Variants in RFX1 observed in about 807,000 individuals in gnomAD.
RFX1 encodes the protein regulatory factor X1, also known as MHC class II regulatory factor RFX1.
Under a neutral mutation model 119.6 loss-of-function variants are expected in RFX1, and 42 were observed. The observed-to-expected ratio is 0.35, with a 90% confidence interval of 0.27 to 0.45. The LOEUF is 0.45. Ranked by LOEUF, RFX1 falls within the 20% of genes least tolerant of loss-of-function variation. The probability of loss-of-function intolerance (pLI) is 1.00; values close to 1 mark genes in which losing one functional copy is unlikely to be tolerated. For synonymous variants in RFX1, 628 were observed against 618.5 expected, an observed-to-expected ratio of 1.02 and a Z score of -0.23; for missense variants, 1,118 against 1,368.1, an observed-to-expected ratio of 0.82 and a Z score of 2.88.
intron 3 of RFX1, 103 bp downstream of exon 3, chr19:13,983,383 G>A (rs374807008): frequency 1.3e-5 from 16 of 1,236,372 alleles, no homozygotes; most frequent in Admixed American, 1.0e-4. Context: ...TGAGCAGATG[G>A]CTCCAGCAGG....
Position 13,980,684 on chromosome 19 carries a change from C to T in RFX1, c.627G>A (p.Ser209=), listed in dbSNP as rs1474497358. The change falls in exon 6 of 21, where the codon TCG becomes TCA. Residue 209 remains serine (S), a synonymous_variant. Transcript: ENST00000254325. The surrounding 1 kb of genome is among the most constrained non-coding windows in gnomAD (Gnocchi z 5.1). ...TQQVHSPPEQ[S]PVQANSSSSK... is the part of the protein sequence containing the mutation. ...TGGAAGAGCTGTTGGCCTGCACCGG[C>T]GACTGCTGTAAGGGAAGGAGACACA... 5.6e-6 allele frequency: 9 copies of T among 1,594,040 alleles called. No homozygotes were observed. Among genetic ancestry groups the T allele is most frequent in the East Asian group, 2.2e-5 (1 of 44,624 alleles).
chr19:13,963,501 C>CT (rs1449862855), intron 18 of RFX1, 37 bp downstream of exon 18: 1 of 1,553,292 alleles, frequency 6.4e-7, no homozygotes, highest in South Asian at 1.2e-5. Context: ...GGGGCCTTCC[C>CT]TGGTGCCGCC....
intron 1 of RFX1, among the ~76,000 whole-genome samples, chr19:13,994,893 CATATATATATATATATAT>C (rs566150731): frequency 0.011 from 666 of 59,314 alleles, 27 homozygotes; most frequent in African/African-American, 0.03. Flanking sequence ...AATATACATA[CATATATATATATATATAT>C]ATATATATAT....
chr19:13,978,723 C>G (rs944464804), intron 7 of RFX1, among the ~76,000 whole-genome samples: 6 of 152,056 alleles, frequency 3.9e-5, no homozygotes, highest in African/African-American at 1.2e-4. Flanking sequence ...CCGCCCGCTG[C>G]CCCCCGCCCG....
chr19:14,004,984 G>A (rs1292193259), intron 1 of RFX1, among the ~76,000 whole-genome samples: 1 of 152,204 alleles, frequency 6.6e-6, no homozygotes, highest in African/African-American at 2.4e-5. Flanking sequence ...CCTTGTCAGT[G>A]ACATGTGACT....
rs1267401636 is a variant in RFX1, at chr19:13,965,007, A to G, written c.2211+442T>C. Among the ~76,000 whole-genome samples the G allele has an allele frequency of 1.3e-5, 2 of 152,002 alleles. No individual in the cohort carries two copies. Among genetic ancestry groups the G allele is most frequent in the African/African-American group, 4.8e-5 (2 of 41,378 alleles). On this transcript the variant is annotated intron_variant, in intron 16 of 20. Transcript: ENST00000254325. This position sits in a 1 kb window ranked among gnomAD's most constrained non-coding sequence, Gnocchi z 4.7. ...TTTTTTTGTTTGTTTGTTTTTCCCAACCACATCCCATCAAATTCCTCACAT... is the reference window on the plus strand; with the variant it reads ...TTTTTTTGTTTGTTTGTTTTTCCCAGCCACATCCCATCAAATTCCTCACAT...
In RFX1 at chr19:13,968,444, C is replaced by T. The variant is rs1489569212; in HGVS notation, c.1732+121G>A. 1.2e-5 allele frequency: 9 copies of T among 758,396 alleles called. No homozygotes were observed. The highest frequency in any genetic ancestry group is 2.6e-4 in the Middle Eastern group (1 of 3,858). 47.0% of individuals were successfully genotyped at this position (758,396 alleles called of 1,614,324 possible). A position where few individuals can be genotyped will look rare whatever the true frequency, so the allele number is the denominator to read the frequency against. ...GTCTCCCCCACCCCCTGCTGGTTCTCGGGCATCTCTCACCAAGCCCTCCCC... is the reference window on the plus strand; with the variant it reads ...GTCTCCCCCACCCCCTGCTGGTTCTTGGGCATCTCTCACCAAGCCCTCCCC... On this transcript the variant is annotated intron_variant, in intron 12 of 20. Coordinates refer to ENST00000254325, the MANE Select transcript of RFX1 (RefSeq NM_002918.5). The surrounding 1 kb of genome is among the most constrained non-coding windows in gnomAD (Gnocchi z 5.5).
intron 3 of RFX1, 64 bp from the exon 4 acceptor site, chr19:13,983,334 G>A (rs1470619417): frequency 7.2e-7 from 1 of 1,391,300 alleles, no homozygotes; most frequent in Non-Finnish European, 9.8e-7. Context: ...GCGTGGTTGG[G>A]TGGCGGGCGG....
rs1974000741 is a variant in RFX1, at chr19:13,969,278, A to C, written c.1497-384T>G. Among the ~76,000 whole-genome samples the C allele has an allele frequency of 6.6e-6, 1 of 152,156 alleles. No homozygotes were observed. Among genetic ancestry groups the C allele is most frequent in the Admixed American group, 6.5e-5 (1 of 15,274 alleles). ...TTTACTGACTCACAGACCCTGATGA[A>C]GCACTGACTAGGTACAACCCCGCGT... is the stretch of plus-strand genomic sequence containing the variant. On this transcript the variant is annotated intron_variant, in intron 10 of 20. Coordinates refer to ENST00000254325, the MANE Select transcript of RFX1 (RefSeq NM_002918.5). This position sits in a 1 kb window ranked among gnomAD's most constrained non-coding sequence, Gnocchi z 4.5.
intron 8 of RFX1, among the ~76,000 whole-genome samples, chr19:13,973,969 G>A (rs571685809): frequency 1.3e-5 from 2 of 151,328 alleles, no homozygotes; most frequent in African/African-American, 2.4e-5. Flanking sequence ...AAAAAATACC[G>A]AAGGGTTAGG....
chr19:13,974,447 G>A (rs137960077), intron 8 of RFX1, among the ~76,000 whole-genome samples: 55 of 152,180 alleles, frequency 3.6e-4, no homozygotes, highest in African/African-American at 1.2e-3. Context: ...CAACCTCAAG[G>A]GGCTGTTAAA....
chr19:13,965,583 G>C lies in RFX1; in HGVS notation c.2114-37C>G, dbSNP rs747868704. The C allele has an allele frequency of 6.2e-7, 1 of 1,612,484 alleles. No individual in the cohort carries two copies. The highest frequency in any genetic ancestry group is 1.7e-5 in the Admixed American group (1 of 59,968). ...GGCGGGGGTCGGTCAGGGCAGGGCG[G>C]GTGTATGTGGGGCAGGGGATGCCGA... On this transcript the variant is annotated intron_variant, in intron 15 of 20. Coordinates refer to ENST00000254325, the MANE Select transcript of RFX1 (RefSeq NM_002918.5). The surrounding 1 kb of genome is among the most constrained non-coding windows in gnomAD (Gnocchi z 4.7).
rs377632154 is a variant in RFX1, at chr19:13,963,042, G to A, written c.2725-3C>T. The A allele has an allele frequency of 2.7e-5, 42 of 1,568,964 alleles. No individual in the cohort carries two copies. The highest frequency in any genetic ancestry group is 4.1e-5 in the African/African-American group (3 of 73,910). On this transcript the variant is annotated splice_region_variant and splice_polypyrimidine_tract_variant and intron_variant, in intron 19 of 20. Transcript: ENST00000254325. The stretch of plus-strand genomic sequence containing the variant: ...AGGGAGGTGGCCAGATTGGCGAACT[G>A]GAGGAAGAAGAGAAGAAAATGGGTG...
chr19:13,966,717 G>C lies in RFX1; in HGVS notation c.1767C>G (p.Leu589=), dbSNP rs759160183. The C allele has an allele frequency of 2.5e-6, 4 of 1,610,812 alleles. No homozygotes were observed. Among genetic ancestry groups the C allele is most frequent in the African/African-American group, 2.7e-5 (2 of 74,920 alleles). ...CAGGCAGCACCTTGCCCTGGAGGTCGAGCTCTGTGAAGTCAGGGAGGCTCC... is the reference window on the plus strand; with the variant it reads ...CAGGCAGCACCTTGCCCTGGAGGTCCAGCTCTGTGAAGTCAGGGAGGCTCC... ...ASRSLPDFTE[L]DLQGKVLPEG... The change falls in exon 13 of 21, where the codon CTC becomes CTG. Residue 589 remains leucine (L), a synonymous_variant. Coordinates refer to ENST00000254325, the MANE Select transcript of RFX1 (RefSeq NM_002918.5). This position sits in a 1 kb window ranked among gnomAD's most constrained non-coding sequence, Gnocchi z 6.3.
Position 13,963,990 on chromosome 19 carries a change from G to C in RFX1, c.2229C>G (p.Ala743=). 1 of 1,535,640 alleles carries C rather than the reference G, an allele frequency of 6.5e-7. No individual in the cohort carries two copies. Among genetic ancestry groups the C allele is most frequent in the Non-Finnish European group, 8.7e-7 (1 of 1,146,402 alleles). The change falls in exon 17 of 21, where the codon GCC becomes GCG. Residue 743 remains alanine (A), a synonymous_variant. Transcript: ENST00000254325. The part of the protein sequence containing the change: ...MLRVKVAAAG[A]FAQTLRRYTS... Reference sequence around the variant, plus strand: ...TGTAGCGCCGCAGTGTCTGCGCGAAGGCGCCAGCCGCGGCCACCTGCGTGC... The same window carrying C: ...TGTAGCGCCGCAGTGTCTGCGCGAACGCGCCAGCCGCGGCCACCTGCGTGC...
rs1169114127 is a variant in RFX1 at position 13,986,204 on chromosome 19, A to G, written c.320-2609T>C. Among the ~76,000 whole-genome samples the G allele has an allele frequency of 1.3e-5, 2 of 152,136 alleles. No individual in the cohort carries two copies. Among genetic ancestry groups the G allele is most frequent in the African/African-American group, 4.8e-5 (2 of 41,436 alleles). On this transcript the variant is annotated intron_variant, in intron 2 of 20. Transcript: ENST00000254325. This position sits in a 1 kb window ranked among gnomAD's most constrained non-coding sequence, Gnocchi z 4.2. The stretch of plus-strand genomic sequence containing the variant: ...CCTAAGGGATGGTGTCTCACCCAGG[A>G]AGCTCAAGGTGGGCAGGGAGTGGGG...
chr19:13,979,275 T>C (rs1157003076), intron 7 of RFX1, among the ~76,000 whole-genome samples, 172 bp downstream of exon 7: 1 of 152,052 alleles, frequency 6.6e-6, no homozygotes, highest in Admixed American at 6.5e-5. Flanking sequence ...AGATCTCTCT[T>C]AGCAAAACCT....
At position 13,985,790 on chromosome 19, in the gene RFX1, G is replaced by T. The variant is rs1364485339; in HGVS notation, c.320-2195C>A. On this transcript the variant is annotated intron_variant, in intron 2 of 20. Coordinates refer to ENST00000254325, the MANE Select transcript of RFX1 (RefSeq NM_002918.5). This position sits in a 1 kb window ranked among gnomAD's most constrained non-coding sequence, Gnocchi z 4.3. Reference sequence around the variant, plus strand: ...GGCTGTCCAGGCAGGGCACAGGAGGGAGAGGGGCCTGGACAGGGCAGGAGG... The same window carrying T: ...GGCTGTCCAGGCAGGGCACAGGAGGTAGAGGGGCCTGGACAGGGCAGGAGG... 6.6e-6 allele frequency among the ~76,000 whole-genome samples: 1 copy of T among 152,198 alleles called. No individual in the cohort carries two copies. Among genetic ancestry groups the T allele is most frequent in the Non-Finnish European group, 1.5e-5 (1 of 68,030 alleles).
chr19:13,971,028 A>G (rs1183061152), intron 9 of RFX1, among the ~76,000 whole-genome samples: 4 of 151,892 alleles, frequency 2.6e-5, no homozygotes, highest in Admixed American at 1.3e-4. Context: ...GAATTTATGC[A>G]GAATGAAAAA....
Sources: allele counts gnomAD v4.1 joint callset (sites outside exome capture counted in the v4.1 genomes callset), GRCh38; gene constraint gnomAD v4.1.1; non-coding constraint Gnocchi (gnomAD v3.1); transcripts MANE v1.5; gene names NCBI Gene and HGNC (gene_info 2026-07-23, HGNC 2026-07-21).